ITPR2: variants seen among roughly 807,000 people sequenced by gnomAD.
ITPR2 encodes the protein inositol 1,4,5-trisphosphate receptor type 2, also known as inositol 1,4,5-trisphosphate-gated calcium channel ITPR2.
ITPR2 carries 207 observed loss-of-function variants against 317.1 expected under a neutral mutation model. That is an observed-to-expected ratio of 0.65 (90% CI 0.58 to 0.73). ITPR2 has a LOEUF of 0.73. Ranked by LOEUF, ITPR2 falls within the 30% of genes least tolerant of loss-of-function variation. The probability of loss-of-function intolerance (pLI) is 0.00; values close to 1 mark genes in which losing one functional copy is unlikely to be tolerated. For synonymous variants in ITPR2, 1,156 were observed against 1,149.1 expected (o/e 1.01, Z -0.12); for missense variants, 2,613 against 3,284.0 (o/e 0.80, Z 4.99).
chr12:26,468,191 G>T (rs530327228), intron 45 of ITPR2, among the ~76,000 whole-genome samples: 1 of 150,484 alleles, frequency 6.6e-6, no homozygotes, highest in East Asian at 1.9e-4. Flanking sequence ...GATCTTAAGG[G>T]TATGAAGGTA....
At chr12:26,618,643 T>C (rs577504711) in intron 26 of ITPR2, among the ~76,000 whole-genome samples, 2 of 152,354 alleles carry the variant, frequency 1.3e-5, no homozygotes, top group Admixed American at 1.3e-4. Context: ...GTTACTCCTA[T>C]GTAGATATCC....
intron 2 of ITPR2, among the ~76,000 whole-genome samples, chr12:26,766,522 C>A (rs1189930380): frequency 6.6e-6 from 1 of 152,088 alleles, no homozygotes; most frequent in East Asian, 1.9e-4. Context: ...ATTCAAGTCC[C>A]TTACCAGATA....
intron 55 of ITPR2, among the ~76,000 whole-genome samples, chr12:26,352,134 A>C (rs996832918): frequency 6.6e-6 from 1 of 152,216 alleles, no homozygotes; most frequent in African/African-American, 2.4e-5. Context: ...GAAGCTGAAA[A>C]GGCTGATACT....
intron 52 of ITPR2, among the ~76,000 whole-genome samples, chr12:26,401,316 G>C (rs1165277117): frequency 6.6e-6 from 1 of 152,026 alleles, no homozygotes; most frequent in African/African-American, 2.4e-5. Context: ...AAAAATTGGG[G>C]CAGATATTAT....
intron 55 of ITPR2, among the ~76,000 whole-genome samples, chr12:26,344,545 G>A (rs1362660090): frequency 6.6e-6 from 1 of 152,140 alleles, no homozygotes; most frequent in Non-Finnish European, 1.5e-5. Flanking sequence ...AGCATCTCAG[G>A]GGCCAGGATC....
intron 21 of ITPR2, among the ~76,000 whole-genome samples, chr12:26,647,029 C>T (rs1392458957): frequency 6.6e-6 from 1 of 152,070 alleles, no homozygotes; most frequent in Non-Finnish European, 1.5e-5. Flanking sequence ...ATGGTGAGTT[C>T]AAGGATGGGC....
intron 55 of ITPR2, among the ~76,000 whole-genome samples, chr12:26,379,412 T>C (rs1939438933): frequency 1.3e-5 from 2 of 152,326 alleles, no homozygotes; most frequent in African/African-American, 4.8e-5. Context: ...TACTTATCCA[T>C]GTCAGTTATG....
chr12:26,408,426 A>G (rs1168228022), intron 52 of ITPR2, among the ~76,000 whole-genome samples: 2 of 152,270 alleles, frequency 1.3e-5, no homozygotes, highest in Non-Finnish European at 2.9e-5. Context: ...TAATTACAAT[A>G]GACCATTTGG....
rs569305434 is a variant in ITPR2 at position 26,612,426 on chromosome 12, G to A, written c.3462+8697C>T. ...TTCGTATTGGCCTGCTAGTGTGTGT[G>A]CTGCCTGCTACTGGCTGTTTCCATT... On this transcript the variant is annotated intron_variant, in intron 26 of 56. Coordinates refer to ENST00000381340, the MANE Select transcript of ITPR2 (RefSeq NM_002223.4). 2.0e-5 allele frequency among the ~76,000 whole-genome samples: 3 copies of A among 152,308 alleles called. No homozygotes were observed. In the East Asian group the frequency reaches 5.8e-4, roughly 29 times the overall value.
chr12:26,613,925 G>C (rs1458617265), intron 26 of ITPR2, among the ~76,000 whole-genome samples: 3 of 152,154 alleles, frequency 2.0e-5, no homozygotes, highest in Non-Finnish European at 2.9e-5. Context: ...GTGCTTCACA[G>C]AGGCAAATAA....
rs552147329 is a variant in ITPR2, at chr12:26,554,414, C to T, written c.4964+1819G>A. ...TAGTTCTCGACAAGGAGTCAGGAAA[C>T]CTTTTCTCTAAAGGATCAGACAGTA... On this transcript the variant is annotated intron_variant, in intron 36 of 56. Coordinates refer to ENST00000381340, the MANE Select transcript of ITPR2 (RefSeq NM_002223.4). Among the ~76,000 whole-genome samples the T allele has an allele frequency of 3.3e-5, 5 of 152,336 alleles. No homozygotes were observed. The East Asian group carries it at 9.6e-4, about 29-fold the overall frequency.
chr12:26,757,275 G>T (rs1949541824), intron 2 of ITPR2, among the ~76,000 whole-genome samples: 1 of 151,334 alleles, frequency 6.6e-6, no homozygotes, highest in Non-Finnish European at 1.5e-5. Context: ...GAGTGCAATG[G>T]TGCAATCTTA....
At chr12:26,665,792 T>C in intron 14 of ITPR2, 118 bp downstream of exon 14, 1 of 874,562 alleles carries the variant, frequency 1.1e-6, no homozygotes, top group South Asian at 1.8e-5. Context: ...TATCTTGTTT[T>C]CAGCCACTAA....
intron 48 of ITPR2, among the ~76,000 whole-genome samples, chr12:26,430,420 C>T (rs1017107449): frequency 6.6e-6 from 1 of 152,168 alleles, no homozygotes; most frequent in South Asian, 2.1e-4. Flanking sequence ...CCTGCCACCA[C>T]GTCTGGCTAA....
rs374338330 is a variant in ITPR2 at position 26,561,886 on chromosome 12, C to T, written c.4697G>A (p.Ser1566Asn). 1.4e-4 allele frequency: 224 copies of T among 1,585,976 alleles called. 2 individuals carry two copies. The highest frequency in any genetic ancestry group is 1.9e-4 in the Non-Finnish European group (222 of 1,172,428). ...TGCTCTCTGCACCATATTTGAATGGCTCTTCATGAAAAGAGTATTAACTTG... is the reference window on the plus strand; with the variant it reads ...TGCTCTCTGCACCATATTTGAATGGTTCTTCATGAAAAGAGTATTAACTTG... ...DSQVNTLFMK[S>N]HSNMVQRAAM... Residue 1566 changes from serine (S) to asparagine (N), a missense_variant, in exon 35 of 57, where the codon AGC becomes AAC. Ser to Asn is a conservative substitution (Grantham distance 46). This residue lies in a region of ITPR2 where 926 missense variants were observed against 1,072.8 expected (regional missense o/e 0.86). Coordinates refer to ENST00000381340, the MANE Select transcript of ITPR2 (RefSeq NM_002223.4).
rs144456264 is a variant in ITPR2 at position 26,370,072 on chromosome 12, T to G, written c.7857+17362A>C. 4.8e-3 allele frequency among the ~76,000 whole-genome samples: 729 copies of G among 152,278 alleles called. 4 individuals carry two copies. The highest frequency in any genetic ancestry group is 0.016 in the African/African-American group (684 of 41,548). ...CCCCATGTGTCTCTTCATTTGGCTG[T>G]TGCTGATCTGTGTCCTTTATAATAA... is the stretch of plus-strand genomic sequence containing the variant. On this transcript the variant is annotated intron_variant, in intron 55 of 56. Coordinates refer to ENST00000381340, the MANE Select transcript of ITPR2 (RefSeq NM_002223.4).
intron 45 of ITPR2, among the ~76,000 whole-genome samples, chr12:26,453,791 G>T (rs529545039): frequency 6.6e-6 from 1 of 152,148 alleles, no homozygotes; most frequent in African/African-American, 2.4e-5. Flanking sequence ...TTTCAAGTGT[G>T]GTTTGGGAAA....
intron 54 of ITPR2, 152 bp downstream of exon 54, chr12:26,398,724 C>A: frequency 1.7e-6 from 1 of 590,584 alleles, no homozygotes. Context: ...GCAGAGAATT[C>A]CAGTCTAATG....
intron 37 of ITPR2, among the ~76,000 whole-genome samples, chr12:26,521,639 G>A (rs78165552): frequency 0.019 from 2,958 of 152,144 alleles, 53 homozygotes; most frequent in African/African-American, 0.047. Flanking sequence ...GACGATCTTC[G>A]TAAAAAGAGT....
Sources: allele counts gnomAD v4.1 joint callset (sites outside exome capture counted in the v4.1 genomes callset), GRCh38; gene constraint gnomAD v4.1.1; regional missense constraint gnomAD v4.1.1; transcripts MANE v1.5; gene names NCBI Gene and HGNC (gene_info 2026-07-23, HGNC 2026-07-21).